The following PCGF3 variants were observed in gnomAD, a reference collection of about 807,000 sequenced individuals.
PCGF3 encodes the protein polycomb group ring finger 3, also known as polycomb group RING finger protein 3.
Under a neutral mutation model 33.1 loss-of-function variants are expected in PCGF3, and 7 were observed. That is an observed-to-expected ratio of 0.21 (90% confidence interval 0.12 to 0.40). The LOEUF is 0.40. PCGF3 is among the 10% of genes least tolerant of loss of function. The probability of loss-of-function intolerance (pLI) is 1.00; values close to 1 mark genes in which losing one functional copy is unlikely to be tolerated. For missense variants in PCGF3, 211 were observed against 313.3 expected (o/e 0.67, Z 2.46); for synonymous variants, 153 against 121.3 (o/e 1.26, Z -1.72).
intron 1 of PCGF3, among the ~76,000 whole-genome samples, chr4:713,719 T>G (rs1577394395): frequency 1.3e-5 from 2 of 152,158 alleles, no homozygotes; most frequent in East Asian, 3.9e-4. Context: ...ATGGATGCTG[T>G]GTGGAGCTGT....
At chr4:751,184 G>T (rs1531583) in intron 8 of PCGF3, among the ~76,000 whole-genome samples, 16,661 of 152,110 alleles carry the variant, frequency 0.11, 1,831 homozygotes, top group African/African-American at 0.28. Context: ...GTGTCCGTTT[G>T]TGGGATTATC....
At chr4:726,498 T>G (rs1221669378) in intron 1 of PCGF3, among the ~76,000 whole-genome samples, 3 of 152,232 alleles carry the variant, frequency 2.0e-5, no homozygotes, top group Non-Finnish European at 4.4e-5. Context: ...GCCTTGGCTT[T>G]TTTTCTCCAT....
chr4:728,364 G>T (rs1560202117), intron 1 of PCGF3, among the ~76,000 whole-genome samples: 1 of 151,182 alleles, frequency 6.6e-6, no homozygotes, highest in Non-Finnish European at 1.5e-5. Flanking sequence ...TGCGTGGGGG[G>T]TGGCGTGCAC....
chr4:711,724 T>G (rs562553444), intron 1 of PCGF3, among the ~76,000 whole-genome samples: 1 of 151,982 alleles, frequency 6.6e-6, no homozygotes, highest in Non-Finnish European at 1.5e-5. Flanking sequence ...CCCAAAGTGC[T>G]GGGATTACAG....
chr4:721,890 G>A lies in PCGF3; in HGVS notation c.-189-8740G>A, dbSNP rs894097280. On this transcript the variant is annotated intron_variant, in intron 1 of 10. Coordinates refer to ENST00000362003, the Ensembl canonical transcript of PCGF3. This position sits in a 1 kb window ranked among gnomAD's most constrained non-coding sequence, Gnocchi z 4.1. ...GAGACTGGTGGATGGGTGGCTCTGC[G>A]TGTGGGCGTGGAGAGAGGCCTGTGG... Among the ~76,000 whole-genome samples the A allele has an allele frequency of 6.7e-5, 10 of 150,100 alleles. No individual in the cohort carries two copies. Among genetic ancestry groups the A allele is most frequent in the African/African-American group, 1.0e-4 (4 of 39,738 alleles).
At position 715,426 on chromosome 4, in the gene PCGF3, G is replaced by A. The variant is rs1450151085; in HGVS notation, c.-190+9456G>A. ...CTGTAGACACTGAGTGTGAGCACTGGGCGTCGGTGCTGGGACCCTGTAGAC... is the reference window on the plus strand; with the variant it reads ...CTGTAGACACTGAGTGTGAGCACTGAGCGTCGGTGCTGGGACCCTGTAGAC... On this transcript the variant is annotated intron_variant, in intron 1 of 10. Coordinates refer to ENST00000362003, the Ensembl canonical transcript of PCGF3. Among the ~76,000 whole-genome samples, 132 of 146,252 alleles carry A rather than the reference G, an allele frequency of 9.0e-4. 4 individuals carry two copies. The highest frequency in any genetic ancestry group is 4.2e-4 in the East Asian group (2 of 4,708).
intron 4 of PCGF3, chr4:734,309 G>A (rs1246509074): frequency 6.9e-7 from 1 of 1,445,224 alleles, no homozygotes; most frequent in African/African-American, 1.4e-5. Context: ...CTAACCTGAG[G>A]CCCCATGGCT....
At chr4:734,467 C>T (rs1223474931) in intron 4 of PCGF3, 5 of 1,245,260 alleles carry the variant, frequency 4.0e-6, no homozygotes, top group African/African-American at 3.1e-5. Context: ...AAATATTTGC[C>T]AATTTGATAG....
chr4:757,996 G>A (rs1199101973), intron 8 of PCGF3, among the ~76,000 whole-genome samples: 5 of 151,768 alleles, frequency 3.3e-5, no homozygotes, highest in South Asian at 2.1e-4. Context: ...GTGAAACCCC[G>A]TCTCTACTAA....
chr4:734,631 G>A, intron 4 of PCGF3: 1 of 1,242,506 alleles, frequency 8.0e-7, no homozygotes, highest in Non-Finnish European at 1.0e-6. Context: ...CCCATGTTCT[G>A]ATGACCCACA....
intron 1 of PCGF3, among the ~76,000 whole-genome samples, chr4:708,384 G>A (rs924046897): frequency 6.6e-6 from 1 of 152,132 alleles, no homozygotes; most frequent in Non-Finnish European, 1.5e-5. Flanking sequence ...ACCCTCGGGG[G>A]GGAATCCAGC....
At chr4:758,388 C>G (rs371921557) in intron 8 of PCGF3, among the ~76,000 whole-genome samples, 131 of 145,020 alleles carry the variant, frequency 9.0e-4, no homozygotes, top group African/African-American at 2.7e-3. Context: ...CTCCGGAGTT[C>G]TTCTCCTTCC....
rs533977016 is a variant in PCGF3, at chr4:766,015, G to A, written c.682-17G>A. ...CACCCCTGCTAAGCAGGCACTGTGC[G>A]TTCTTGTGTCTTCCAGAAGGCGCCG... is the stretch of plus-strand genomic sequence containing the variant. On this transcript the variant is annotated splice_polypyrimidine_tract_variant and intron_variant, in intron 10 of 10. Transcript: ENST00000362003. 6.2e-4 allele frequency: 1,000 copies of A among 1,613,408 alleles called. 18 individuals carry two copies. In the South Asian group the frequency reaches 9.6e-3, roughly 16 times the overall value.
chr4:734,885 C>T (rs772722612), intron 4 of PCGF3, 46 bp from the exon 5 acceptor site: 25 of 1,594,768 alleles, frequency 1.6e-5, no homozygotes, highest in Non-Finnish European at 1.8e-5. Context: ...GGGGTGGGCG[C>T]CCTGGCTCTA....
intron 6 of PCGF3, 70 bp from the exon 7 acceptor site, chr4:743,404 T>A: frequency 1.2e-6 from 1 of 858,202 alleles, no homozygotes; most frequent in Non-Finnish European, 2.0e-6. Flanking sequence ...CTTTATGTGA[T>A]GTTTATGAAC....
exon 11 of PCGF3, chr4:768,154 C>T (rs559948985): frequency 5.2e-5 from 8 of 152,788 alleles, no homozygotes; most frequent in South Asian, 2.1e-4. Flanking sequence ...GAGTGGCGCC[C>T]GTGTCGATGT....
At chr4:750,885 C>G (rs893924988) in intron 8 of PCGF3, among the ~76,000 whole-genome samples, 4 of 152,032 alleles carry the variant, frequency 2.6e-5, no homozygotes, top group African/African-American at 4.8e-5. Context: ...CTCTAACCCC[C>G]GATTCTCTTG....
intron 5 of PCGF3, among the ~76,000 whole-genome samples, chr4:736,209 A>C (rs1414560112): frequency 6.6e-6 from 1 of 151,852 alleles, no homozygotes; most frequent in African/African-American, 2.4e-5. Flanking sequence ...CACCACGCCC[A>C]GCTAATTTTT....
intron 8 of PCGF3, among the ~76,000 whole-genome samples, chr4:748,401 C>T (rs1744364284): frequency 6.6e-6 from 1 of 152,116 alleles, no homozygotes; most frequent in Non-Finnish European, 1.5e-5. Context: ...GGTTTCACCA[C>T]GTTGGCCAGG....
Sources: allele counts gnomAD v4.1 joint callset (sites outside exome capture counted in the v4.1 genomes callset), GRCh38; gene constraint gnomAD v4.1.1; non-coding constraint Gnocchi (gnomAD v3.1); transcripts MANE v1.5; gene names NCBI Gene and HGNC (gene_info 2026-07-23, HGNC 2026-07-21).